MAD1L1: variants seen among roughly 807,000 people sequenced by gnomAD.
MAD1L1 encodes mitotic spindle assembly checkpoint protein MAD1.
A neutral mutation model predicts 96.9 loss-of-function variants in MAD1L1; 95 were observed. The ratio of observed to expected loss-of-function variants is 0.98; its 90% CI spans 0.83 to 1.16. The LOEUF (loss-of-function observed/expected upper bound fraction) is 1.16, where lower values mean the gene tolerates loss of function less well. Ranked by LOEUF, MAD1L1 falls within the 50% of genes most tolerant of loss-of-function variation. MAD1L1 has a pLI of 0.00. For missense variants in MAD1L1, 1,007 were observed against 954.4 expected, an observed-to-expected ratio of 1.06 and a Z score of -0.73; for synonymous variants, 473 against 396.6, an observed-to-expected ratio of 1.19 and a Z score of -2.29.
intron 10 of MAD1L1, among the ~76,000 whole-genome samples, chr7:2,182,735 T>C (rs1791260926): frequency 1.3e-5 from 2 of 152,098 alleles, no homozygotes; most frequent in Admixed American, 1.3e-4. Flanking sequence ...ATTCCACTGA[T>C]ACACAACGTC....
intron 12 of MAD1L1, among the ~76,000 whole-genome samples, chr7:2,017,495 G>A (rs1782593896): frequency 6.6e-6 from 1 of 152,228 alleles, no homozygotes; most frequent in African/African-American, 2.4e-5. Flanking sequence ...ACCGGCCGAT[G>A]GGGGCCGGGG....
chr7:1,961,966 T>C (rs1406569769), intron 15 of MAD1L1, among the ~76,000 whole-genome samples: 1 of 151,924 alleles, frequency 6.6e-6, no homozygotes, highest in Non-Finnish European at 1.5e-5. Flanking sequence ...AGATAATGAA[T>C]CACAGGGTGG....
chr7:1,825,982 G>A (rs370230198), intron 18 of MAD1L1, among the ~76,000 whole-genome samples: 2 of 152,144 alleles, frequency 1.3e-5, no homozygotes, highest in East Asian at 1.9e-4. Flanking sequence ...AGGTCGGCGC[G>A]GCCCCAGCTT....
chr7:1,906,600 G>A (rs1315517866), intron 17 of MAD1L1, among the ~76,000 whole-genome samples: 1 of 152,220 alleles, frequency 6.6e-6, no homozygotes. Flanking sequence ...GAGATGCCTG[G>A]GCCTCACGCT....
intron 18 of MAD1L1, chr7:1,817,568 A>C (rs1781882096): frequency 6.6e-6 from 1 of 152,212 alleles, no homozygotes; most frequent in African/African-American, 2.4e-5. Flanking sequence ...CTCCGTGCCC[A>C]GGGGATGTCC....
intron 12 of MAD1L1, among the ~76,000 whole-genome samples, chr7:2,015,140 A>T (rs936414071): frequency 6.6e-6 from 1 of 152,098 alleles, no homozygotes; most frequent in Non-Finnish European, 1.5e-5. Context: ...TCTTCCTGGG[A>T]CCTCTGCCCG....
At chr7:2,032,980 C>T (rs550989382) in intron 12 of MAD1L1, among the ~76,000 whole-genome samples, 7 of 152,374 alleles carry the variant, frequency 4.6e-5, no homozygotes, top group Non-Finnish European at 8.8e-5. Flanking sequence ...TGAGAAGATG[C>T]CCCCAGCCCA....
At chr7:1,885,501 G>A (rs1008894564) in intron 18 of MAD1L1, among the ~76,000 whole-genome samples, 2 of 152,190 alleles carry the variant, frequency 1.3e-5, no homozygotes, top group African/African-American at 2.4e-5. Context: ...GTGGGCCACA[G>A]GGGTGCGGTC....
chr7:1,999,227 C>G (rs117930442), intron 14 of MAD1L1, among the ~76,000 whole-genome samples: 1 of 152,186 alleles, frequency 6.6e-6, no homozygotes, highest in South Asian at 2.1e-4. Context: ...CAGCAGAACA[C>G]AGAGAGGAAA....
At chr7:1,943,381 A>C (rs1375211405) in intron 16 of MAD1L1, among the ~76,000 whole-genome samples, 1 of 152,208 alleles carries the variant, frequency 6.6e-6, no homozygotes, top group African/African-American at 2.4e-5. Context: ...ACACCTCAAC[A>C]CATGAAGCAC....
intron 17 of MAD1L1, among the ~76,000 whole-genome samples, chr7:1,923,499 G>A (rs1038318632): frequency 2.0e-4 from 30 of 152,354 alleles, no homozygotes; most frequent in Admixed American, 8.5e-4. Flanking sequence ...GGGCAACCCC[G>A]CGCTCTTCCG....
intron 14 of MAD1L1, chr7:1,980,785 C>A: frequency 1.6e-6 from 1 of 618,762 alleles, no homozygotes; most frequent in Non-Finnish European, 3.1e-6. Flanking sequence ...TGCACAGGCT[C>A]ACGGTGAGGT....
chr7:1,922,686 G>A (rs544520311), intron 17 of MAD1L1, among the ~76,000 whole-genome samples: 2 of 152,346 alleles, frequency 1.3e-5, no homozygotes, highest in African/African-American at 4.8e-5. Context: ...AAGGCGGTGA[G>A]AGGGAAGGCC....
chr7:2,035,367 G>A (rs4422689), intron 12 of MAD1L1, among the ~76,000 whole-genome samples: 4,946 of 24,102 alleles, frequency 0.21, 117 homozygotes, highest in South Asian at 0.33. Flanking sequence ...GCATGAGCGC[G>A]GGAGCACTGA....
intron 18 of MAD1L1, among the ~76,000 whole-genome samples, chr7:1,893,985 C>T (rs1786712394): frequency 6.6e-6 from 1 of 152,222 alleles, no homozygotes; most frequent in Non-Finnish European, 1.5e-5. Flanking sequence ...TTCCCTTTTG[C>T]TCCACTGAAA....
chr7:2,220,506 AAC>A (rs897860299), intron 5 of MAD1L1, among the ~76,000 whole-genome samples: 2 of 152,224 alleles, frequency 1.3e-5, no homozygotes, highest in African/African-American at 4.8e-5. Context: ...AACACACGGA[AAC>A]ACACGGGCGT....
intron 18 of MAD1L1, among the ~76,000 whole-genome samples, chr7:1,851,782 C>T (rs1721896228): frequency 1.3e-5 from 2 of 152,146 alleles, no homozygotes; most frequent in East Asian, 3.9e-4. Flanking sequence ...CCCAGGCAGG[C>T]GCAGAAGGGC....
intron 15 of MAD1L1, among the ~76,000 whole-genome samples, chr7:1,974,467 T>G (rs1406321389): frequency 6.6e-6 from 1 of 152,190 alleles, no homozygotes; most frequent in Admixed American, 6.5e-5. Context: ...GTGACCCCAC[T>G]GCACTCATGA....
chr7:2,112,956 C>T (rs1330345693), intron 11 of MAD1L1, among the ~76,000 whole-genome samples: 1 of 152,158 alleles, frequency 6.6e-6, no homozygotes, highest in East Asian at 1.9e-4. Context: ...GCTGAAATAC[C>T]GTGAATGAAC....
Sources: allele counts gnomAD v4.1 joint callset (sites outside exome capture counted in the v4.1 genomes callset), GRCh38; gene constraint gnomAD v4.1.1; transcripts MANE v1.5; gene names NCBI Gene and HGNC (gene_info 2026-07-23, HGNC 2026-07-21).